Variants in SLC2A9 observed in about 807,000 individuals in gnomAD.
SLC2A9 encodes the protein solute carrier family 2, facilitated glucose transporter member 9.
SLC2A9 carries 39 observed loss-of-function variants against 50.6 expected under a neutral mutation model. The ratio of observed to expected loss-of-function variants is 0.77; its 90% CI spans 0.60 to 1.01. The LOEUF (loss-of-function observed/expected upper bound fraction) is 1.01, where lower values mean the gene tolerates loss of function less well. SLC2A9 is among the 50% of genes least tolerant of loss of function. SLC2A9 has a pLI of 0.00. For missense variants in SLC2A9, 686 were observed against 677.6 expected, an observed-to-expected ratio of 1.01 and a Z score of -0.14; for synonymous variants, 324 against 276.9, an observed-to-expected ratio of 1.17 and a Z score of -1.69.
At chr4:9,895,421 C>CGTGGTATTT (rs1738354306) in intron 8 of SLC2A9, among the ~76,000 whole-genome samples, 1 of 152,208 alleles carries the variant, frequency 6.6e-6, no homozygotes, top group African/African-American at 2.4e-5. Flanking sequence ...TTAGAGCGAA[C>CGTGGTATTT]GTGGTATTTC....
chr4:9,965,353 C>T (rs933183829), intron 5 of SLC2A9, among the ~76,000 whole-genome samples: 1 of 152,122 alleles, frequency 6.6e-6, no homozygotes, highest in Non-Finnish European at 1.5e-5. Context: ...ACATTATCAC[C>T]CTTTTTTAAT....
downstream of SLC2A9, among the ~76,000 whole-genome samples, chr4:9,821,760 T>G (rs1053630509): frequency 4.6e-5 from 7 of 152,244 alleles, no homozygotes; most frequent in African/African-American, 1.7e-4. Flanking sequence ...TTTCATAAAA[T>G]GAGTTAGGAA....
At chr4:9,920,671 C>T (rs191383770) in intron 6 of SLC2A9, 99 bp from the exon 7 acceptor site, 2 of 1,415,926 alleles carry the variant, frequency 1.4e-6, no homozygotes, top group Admixed American at 1.8e-5. Flanking sequence ...CCTAGCCACA[C>T]ACCTTAGCTG....
At chr4:9,972,670 A>G (rs1443394156) in intron 5 of SLC2A9, among the ~76,000 whole-genome samples, 1 of 152,236 alleles carries the variant, frequency 6.6e-6, no homozygotes, top group Non-Finnish European at 1.5e-5. Flanking sequence ...ATTACATGGA[A>G]ATTAAATGAC....
At chr4:9,938,586 T>C (rs146421050) in intron 6 of SLC2A9, among the ~76,000 whole-genome samples, 4 of 152,314 alleles carry the variant, frequency 2.6e-5, no homozygotes, top group African/African-American at 9.6e-5. Flanking sequence ...TTTGCTATTA[T>C]GGTTGTCTTT....
chr4:10,001,295 G>A (rs765073974), intron 2 of SLC2A9, among the ~76,000 whole-genome samples: 9 of 152,096 alleles, frequency 5.9e-5, no homozygotes, highest in Admixed American at 2.0e-4. Context: ...CTAATCCAAC[G>A]TGACTGGTAC....
At chr4:9,903,970 T>C (rs1740150494) in intron 8 of SLC2A9, among the ~76,000 whole-genome samples, 1 of 148,272 alleles carries the variant, frequency 6.7e-6, no homozygotes, top group African/African-American at 2.4e-5. Context: ...ATAAACATTA[T>C]AATATATTAT....
At position 9,980,610 on chromosome 4, in the gene SLC2A9, C is replaced by G; in HGVS notation, c.663G>C (p.Leu221=). Residue 221 remains leucine, a synonymous_variant, in exon 5 of 12, where the codon CTG becomes CTC. Coordinates refer to ENST00000264784, the MANE Select transcript of SLC2A9 (RefSeq NM_020041.3). The stretch of plus-strand genomic sequence containing the variant: ...CACTCACCTTTCCCAGCAGCTCGGG[C>G]AGGCCCAGAAGCTGCCCAGTGAACA... ...IGVFTGQLLG[L]PELLGKESTW... The G allele has an allele frequency of 6.2e-7, 1 of 1,614,194 alleles. No homozygotes were observed. The highest frequency in any genetic ancestry group is 8.5e-7 in the Non-Finnish European group (1 of 1,180,026).
intron 8 of SLC2A9, 76 bp from the exon 9 acceptor site, chr4:9,890,787 C>G: frequency 7.7e-7 from 1 of 1,293,598 alleles, no homozygotes; most frequent in East Asian, 2.4e-5. Flanking sequence ...GCACTGGGAA[C>G]CGGCAATGGC....
At chr4:10,018,866 C>G in intron 2 of SLC2A9, 109 bp downstream of exon 2, 1 of 1,082,884 alleles carries the variant, frequency 9.2e-7, no homozygotes, top group Non-Finnish European at 1.4e-6. Flanking sequence ...CCCGCGGTGT[C>G]CCGCGCCGCG....
chr4:9,883,294 G>A (rs2109673308), intron 10 of SLC2A9, among the ~76,000 whole-genome samples: 1 of 152,362 alleles, frequency 6.6e-6, no homozygotes, highest in Non-Finnish European at 1.5e-5. Flanking sequence ...TTTGGGGACA[G>A]ATGTGAATGT....
chr4:9,857,623 A>G (rs1256567371), intron 10 of SLC2A9, among the ~76,000 whole-genome samples: 2 of 152,176 alleles, frequency 1.3e-5, no homozygotes, highest in Non-Finnish European at 2.9e-5. Context: ...TGATGCCCTA[A>G]TGCTTCCTGT....
chr4:9,980,899 A>G (rs1755637162), intron 4 of SLC2A9, among the ~76,000 whole-genome samples, 162 bp from the exon 5 acceptor site: 1 of 152,226 alleles, frequency 6.6e-6, no homozygotes, highest in African/African-American at 2.4e-5. Flanking sequence ...AAGCTTTCCC[A>G]TGAACTTTAT....
chr4:9,873,851 T>C lies in SLC2A9; in HGVS notation c.1291+13716A>G, dbSNP rs1029008563. ...TTGTTACACAGTCATAGCTAACCGA[T>C]ACAAATTCCTTAGTGATCTTTCTGA... On this transcript the variant is annotated intron_variant, in intron 10 of 11. Coordinates refer to ENST00000264784, the MANE Select transcript of SLC2A9 (RefSeq NM_020041.3). Among the ~76,000 whole-genome samples the C allele has an allele frequency of 2.6e-5, 4 of 152,218 alleles. No homozygotes were observed. The East Asian group carries it at 5.8e-4, about 22-fold the overall frequency.
At chr4:9,986,575 A>T (rs1220032667) in intron 3 of SLC2A9, among the ~76,000 whole-genome samples, 1 of 152,000 alleles carries the variant, frequency 6.6e-6, no homozygotes, top group Non-Finnish European at 1.5e-5. Flanking sequence ...GCGTTCTACA[A>T]CTTTTGTTGG....
chr4:9,987,706 C>G (rs1277363611), intron 3 of SLC2A9, among the ~76,000 whole-genome samples: 1 of 151,864 alleles, frequency 6.6e-6, no homozygotes. Flanking sequence ...GTTTTTTTCT[C>G]TAAACCAGCC....
chr4:9,840,114 A>T (rs1727807181), intron 10 of SLC2A9, among the ~76,000 whole-genome samples: 1 of 152,236 alleles, frequency 6.6e-6, no homozygotes, highest in Non-Finnish European at 1.5e-5. Context: ...TTTCAAGAGC[A>T]CATCACCAGT....
chr4:9,854,658 AC>A (rs1165428615), intron 10 of SLC2A9, among the ~76,000 whole-genome samples: 4 of 152,174 alleles, frequency 2.6e-5, no homozygotes, highest in African/African-American at 7.2e-5. Context: ...ACATACATAC[AC>A]AAAATAAAAC....
intron 2 of SLC2A9, among the ~76,000 whole-genome samples, chr4:10,014,948 G>A (rs1197521227): frequency 6.6e-6 from 1 of 152,218 alleles, no homozygotes; most frequent in African/African-American, 2.4e-5. Flanking sequence ...ATAGGGAGGG[G>A]AAGAGTTTGG....
Sources: gnomAD v4.1 joint callset for allele counts (sites outside exome capture counted in the v4.1 genomes callset) on GRCh38, gnomAD v4.1.1 for gene constraint, MANE v1.5 for transcripts, NCBI Gene and HGNC (gene_info 2026-07-23, HGNC 2026-07-21) for gene names.